The following SMC4 variants were observed in gnomAD, a reference collection of about 807,000 sequenced individuals.
SMC4 encodes the protein structural maintenance of chromosomes 4.
In SMC4, 87 loss-of-function variants were observed where a neutral mutation model predicts 145.6. The observed-to-expected ratio is 0.60, with a 90% CI of 0.50 to 0.71. SMC4 has a LOEUF of 0.71. Ranked by LOEUF, SMC4 falls within the 30% of genes least tolerant of loss-of-function variation. The pLI is 0.00. For missense variants in SMC4, 1,447 were observed against 1,537.1 expected (o/e 0.94, Z 0.98); for synonymous variants, 558 against 500.7 (o/e 1.11, Z -1.53).
chr3:160,423,218 T>C lies in SMC4; in HGVS notation c.2020-207T>C, dbSNP rs565117101. On this transcript the variant is annotated intron_variant, in intron 13 of 23. Transcript: ENST00000357388. ...AGGTTGTATTGAATTTGTAGATCAG[T>C]TTAGATAGTATAGGCATCTTAACGG... is the stretch of plus-strand genomic sequence containing the variant. Among the ~76,000 whole-genome samples, 3 of 152,282 alleles carry C rather than the reference T, an allele frequency of 2.0e-5. No individual in the cohort carries two copies. The South Asian group carries it at 6.2e-4, about 32-fold the overall frequency.
At chr3:160,400,768 G>T in intron 1 of SMC4, 54 bp from the exon 2 acceptor site, 1 of 1,426,678 alleles carries the variant, frequency 7.0e-7, no homozygotes, top group South Asian at 1.4e-5. Flanking sequence ...GGTGGGGCGG[G>T]CGCGGTGTAG....
intron 8 of SMC4, 180 bp downstream of exon 8, chr3:160,413,793 T>G: frequency 2.4e-6 from 1 of 413,520 alleles, no homozygotes; most frequent in Non-Finnish European, 4.3e-6. Context: ...CAGATGAAAT[T>G]CCCTACTCTG....
At chr3:160,430,035 A>G (rs1718223980) in intron 18 of SMC4, among the ~76,000 whole-genome samples, 1 of 152,166 alleles carries the variant, frequency 6.6e-6, no homozygotes. Flanking sequence ...TAGAGTATTT[A>G]TTGAAGTGTG....
At chr3:160,406,189 T>C (rs112488889) in intron 5 of SMC4, among the ~76,000 whole-genome samples, 19 of 152,120 alleles carry the variant, frequency 1.2e-4, no homozygotes, top group Admixed American at 6.5e-5. Context: ...AACCTTTTTA[T>C]GTGATCTTTA....
chr3:160,426,209 A>G lies in SMC4; in HGVS notation c.2605+9A>G, dbSNP rs1051733039. On this transcript the variant is annotated intron_variant, in intron 17 of 23. Coordinates refer to ENST00000357388, the MANE Select transcript of SMC4 (RefSeq NM_001002800.3). ...TAGTGCTTTCAAAACAGGTATGTTT[A>G]GAGATAGACCTTTTTTGGGGGGAAA... 3.2e-6 allele frequency: 5 copies of G among 1,581,910 alleles called. No homozygotes were observed. Among genetic ancestry groups the G allele is most frequent in the Non-Finnish European group, 3.4e-6 (4 of 1,168,102 alleles).
chr3:160,405,765 T>G (rs1715257817), intron 5 of SMC4, among the ~76,000 whole-genome samples: 1 of 152,038 alleles, frequency 6.6e-6, no homozygotes, highest in African/African-American at 2.4e-5. Flanking sequence ...ATTAAAGGAT[T>G]TTGTGTGTTT....
At chr3:160,413,743 G>A (rs1297745689) in intron 8 of SMC4, 130 bp downstream of exon 8, 2 of 541,412 alleles carry the variant, frequency 3.7e-6, no homozygotes, top group African/African-American at 2.0e-5. Context: ...GGCCCCCTTA[G>A]TGAAAAAAAA....
At chr3:160,429,920 T>G (rs1718207695) in intron 18 of SMC4, among the ~76,000 whole-genome samples, 1 of 151,920 alleles carries the variant, frequency 6.6e-6, no homozygotes, top group East Asian at 1.9e-4. Context: ...TTTCACCATG[T>G]TGGTCAGGCT....
chr3:160,422,505 G>A (rs1717288370), intron 13 of SMC4, among the ~76,000 whole-genome samples: 1 of 152,134 alleles, frequency 6.6e-6, no homozygotes, highest in Non-Finnish European at 1.5e-5. Context: ...AGAAATGTCT[G>A]TTTCAAATCC....
In SMC4 at chr3:160,431,164, A is replaced by G. The variant is rs561642803; in HGVS notation, c.3073A>G (p.Ile1025Val). The G allele has an allele frequency of 1.9e-6, 3 of 1,595,180 alleles. No homozygotes were observed. Among genetic ancestry groups the G allele is most frequent in the African/African-American group, 2.7e-5 (2 of 73,802 alleles). ...KLKLEQIDGH[I>V]AEHNSKIKYW... ...GAAACTTGAACAAATAGATGGTCACATTGCTGAACATAATTCTAAAATAAA... is the reference window on the plus strand; with the variant it reads ...GAAACTTGAACAAATAGATGGTCACGTTGCTGAACATAATTCTAAAATAAA... The change falls in exon 20 of 24, where the codon ATT becomes GTT. Residue 1025 changes from isoleucine to valine, a missense_variant. Physicochemically the swap from Ile to Val is conservative, Grantham distance 29. Coordinates refer to ENST00000357388, the MANE Select transcript of SMC4 (RefSeq NM_001002800.3).
At chr3:160,405,371 T>G (rs1208890167) in intron 5 of SMC4, among the ~76,000 whole-genome samples, 1 of 151,758 alleles carries the variant, frequency 6.6e-6, no homozygotes, top group Non-Finnish European at 1.5e-5. Flanking sequence ...CCTGTTTGAT[T>G]CGAGGGTATC....
chr3:160,426,513 G>C (rs936500236), intron 17 of SMC4, among the ~76,000 whole-genome samples: 8 of 152,124 alleles, frequency 5.3e-5, no homozygotes, highest in African/African-American at 1.7e-4. Flanking sequence ...AGTGGTTATA[G>C]ATTTAGAAAA....
intron 9 of SMC4, among the ~76,000 whole-genome samples, 189 bp downstream of exon 9, chr3:160,414,706 G>GTTT (rs1716404402): frequency 6.6e-6 from 1 of 152,048 alleles, no homozygotes; most frequent in Admixed American, 6.5e-5. Context: ...TTTGCAGGAG[G>GTTT]TTTTTTGTTT....
Position 160,433,762 on chromosome 3 carries a change from A to G in SMC4, c.3820A>G (p.Ser1274Gly). The stretch of plus-strand genomic sequence containing the variant: ...TTACAAGACATACAACATAACAAAA[A>G]GTGTTGCTGTAAATCCAAAAGAAAT... ...GIYKTYNITK[S>G]VAVNPKEIAS... The change falls in exon 24 of 24, where the codon AGT (serine) becomes GGT (glycine). Residue 1274 changes from serine (S) to glycine (G), a missense_variant. Ser to Gly is a moderately conservative substitution (Grantham distance 56). Transcript: ENST00000357388. 2 of 1,602,902 alleles carry G rather than the reference A, an allele frequency of 1.2e-6. No individual in the cohort carries two copies. The highest frequency in any genetic ancestry group is 1.7e-6 in the Non-Finnish European group (2 of 1,175,786).
intron 5 of SMC4, among the ~76,000 whole-genome samples, chr3:160,407,692 T>C (rs1427521412): frequency 6.6e-6 from 1 of 152,158 alleles, no homozygotes; most frequent in Non-Finnish European, 1.5e-5. Flanking sequence ...CATAAACTAC[T>C]TGGGTTCTAG....
In SMC4 at chr3:160,423,593, C is replaced by G; in HGVS notation, c.2188C>G (p.Gln730Glu). 1 of 1,613,428 alleles carries G rather than the reference C, an allele frequency of 6.2e-7. No individual in the cohort carries two copies. The highest frequency in any genetic ancestry group is 8.5e-7 in the Non-Finnish European group (1 of 1,179,698). Residue 730 changes from glutamine (Q) to glutamate (E), a missense_variant, in exon 14 of 24, where the codon CAA becomes GAA. Gln to Glu is a conservative substitution (Grantham distance 29). Transcript: ENST00000357388. Reference sequence around the variant, plus strand: ...GGATCAAGCCACAAGAGTAGCATATCAAAAAGATAGAAGATGGAGAGTGGT... The same window carrying G: ...GGATCAAGCCACAAGAGTAGCATATGAAAAAGATAGAAGATGGAGAGTGGT... ...NLDQATRVAYQKDRRWRVVTL... is the reference protein window; with the variant it reads ...NLDQATRVAYEKDRRWRVVTL...
rs571097121 is a variant in SMC4, at chr3:160,404,408, T to C, written c.591T>C (p.Tyr197=). 2 of 1,611,576 alleles carry C rather than the reference T, an allele frequency of 1.2e-6. No individual in the cohort carries two copies. Among genetic ancestry groups the C allele is most frequent in the Admixed American group, 1.7e-5 (1 of 59,654 alleles). ...RTACRDNTSV[Y]HISGKKKTFK... ...CCTGCAGAGATAATACTTCTGTCTA[T>C]CACATAAGTGGAAAGAAAAAGACAT... is the stretch of plus-strand genomic sequence containing the variant. Residue 197 remains tyrosine (Y), a synonymous_variant, in exon 5 of 24, where the codon TAT becomes TAC. Coordinates refer to ENST00000357388, the MANE Select transcript of SMC4 (RefSeq NM_001002800.3).
At chr3:160,420,533 G>C (rs994426611) in intron 12 of SMC4, 3 of 460,532 alleles carry the variant, frequency 6.5e-6, no homozygotes, top group Non-Finnish European at 3.8e-6. Context: ...AATGAAAACA[G>C]TTCTTTCATT....
rs904505312 is a variant in SMC4, at chr3:160,430,494, A to T, written c.2796-105A>T. On this transcript the variant is annotated intron_variant, in intron 18 of 23. Coordinates refer to ENST00000357388, the MANE Select transcript of SMC4 (RefSeq NM_001002800.3). ...ATCATAAACTTAAAAATATATGAAT[A>T]GAAAAAATGTCACATTAAATTTCAT... is the stretch of plus-strand genomic sequence containing the variant. 12 of 1,025,930 alleles carry T rather than the reference A, an allele frequency of 1.2e-5. 1 individual carries two copies. The highest frequency in any genetic ancestry group is 6.6e-4 in the Middle Eastern group (2 of 3,024). 63.6% of individuals were successfully genotyped at this position (1,025,930 alleles called of 1,614,324 possible). A position where few individuals can be genotyped will look rare whatever the true frequency, so the allele number is the denominator to read the frequency against.
Sources: gnomAD v4.1 joint callset for allele counts (sites outside exome capture counted in the v4.1 genomes callset) on GRCh38, gnomAD v4.1.1 for gene constraint, MANE v1.5 for transcripts, NCBI Gene and HGNC (gene_info 2026-07-23, HGNC 2026-07-21) for gene names.